Variants in ADAMTSL1 observed in about 807,000 individuals in gnomAD.
The protein encoded by ADAMTSL1 is ADAMTS-like protein 1.
Under a neutral mutation model 201.8 loss-of-function variants are expected in ADAMTSL1, and 126 were observed. The ratio of observed to expected loss-of-function variants is 0.62; its 90% CI spans 0.54 to 0.72. The LOEUF (loss-of-function observed/expected upper bound fraction) is 0.72. Ranked by LOEUF, ADAMTSL1 falls within the 30% of genes least tolerant of loss-of-function variation. ADAMTSL1 has a pLI of 0.00. For synonymous variants in ADAMTSL1, 1,121 were observed against 903.4 expected (o/e 1.24, Z -4.32); for missense variants, 2,679 against 2,277.8 (o/e 1.18, Z -3.59).
chr9:18,231,587 A>T (rs1007700314), intron 2 of ADAMTSL1, among the ~76,000 whole-genome samples: 2 of 152,196 alleles, frequency 1.3e-5, no homozygotes, highest in Non-Finnish European at 2.9e-5. Flanking sequence ...TTAGGTTCAC[A>T]TGCAGTCTCA....
At chr9:18,165,971 T>A (rs149555672) in intron 2 of ADAMTSL1, among the ~76,000 whole-genome samples, 209 of 151,984 alleles carry the variant, frequency 1.4e-3, no homozygotes, top group African/African-American at 4.9e-3. Flanking sequence ...TGAGTTTCTG[T>A]CTTATTGGGA....
rs1473904785 is a variant in ADAMTSL1 at position 18,905,860 on chromosome 9, T to C, written c.4930T>C (p.Leu1644=). Residue 1644 remains leucine, a synonymous_variant, in exon 27 of 29, where the codon TTA becomes CTA. Coordinates refer to ENST00000380548, the MANE Select transcript of ADAMTSL1 (RefSeq NM_001040272.6). ...CTGCCAGACACGGGATGGCATCACC[T>C]TACCATCAGAGCAGTGCAGTGCTCT... ...VFCQTRDGIT[L]PSEQCSALPR... is the part of the protein sequence containing the mutation. The C allele has an allele frequency of 1.2e-6, 2 of 1,613,110 alleles. No individual in the cohort carries two copies. The highest frequency in any genetic ancestry group is 1.7e-6 in the Non-Finnish European group (2 of 1,179,626).
At chr9:18,352,308 G>T (rs1292211159) in intron 2 of ADAMTSL1, among the ~76,000 whole-genome samples, 2 of 152,136 alleles carry the variant, frequency 1.3e-5, no homozygotes, top group South Asian at 2.1e-4. Flanking sequence ...TGGGGGAAAT[G>T]GCTCGAAAGG....
intron 2 of ADAMTSL1, among the ~76,000 whole-genome samples, chr9:18,322,833 A>G (rs1393945591): frequency 2.0e-5 from 3 of 152,232 alleles, no homozygotes; most frequent in Admixed American, 1.3e-4. Context: ...GATAAAATGC[A>G]TACATCAATG....
intron 1 of ADAMTSL1, among the ~76,000 whole-genome samples, chr9:18,119,283 TA>T (rs916914976): frequency 1.3e-4 from 20 of 151,402 alleles, no homozygotes; most frequent in Non-Finnish European, 2.2e-4. Context: ...CCTTCCTGAA[TA>T]TTTTTTTTTT....
intron 2 of ADAMTSL1, 55 bp downstream of exon 2, chr9:18,505,011 G>C: frequency 6.4e-7 from 1 of 1,562,772 alleles, no homozygotes; most frequent in Non-Finnish European, 8.6e-7. Flanking sequence ...GCCGGTTTGA[G>C]GCATGCTTTT....
At chr9:17,938,395 C>T (rs948657836) in intron 1 of ADAMTSL1, among the ~76,000 whole-genome samples, 12 of 152,098 alleles carry the variant, frequency 7.9e-5, no homozygotes, top group African/African-American at 2.9e-4. Context: ...AAAGTGGAAA[C>T]AATTTCAAAG....
intron 1 of ADAMTSL1, among the ~76,000 whole-genome samples, chr9:17,997,761 C>T (rs956201115): frequency 4.6e-5 from 7 of 151,976 alleles, no homozygotes; most frequent in African/African-American, 1.7e-4. Context: ...AATATGGTAG[C>T]ATTTCAAAAA....
chr9:17,914,761 A>G (rs1826026478), intron 1 of ADAMTSL1, among the ~76,000 whole-genome samples: 1 of 152,030 alleles, frequency 6.6e-6, no homozygotes, highest in Non-Finnish European at 1.5e-5. Flanking sequence ...ATGATTGTAT[A>G]TCTAGAAAAC....
rs372980588 is a variant in ADAMTSL1 at position 18,310,642 on chromosome 9, A to C, written c.207+146661A>C. Among the ~76,000 whole-genome samples the C allele has an allele frequency of 1.2e-4, 19 of 152,340 alleles. No homozygotes were observed. The East Asian group carries it at 3.7e-3, about 29-fold the overall frequency. ...CTGGTCATTAGAGAAATGCAAGTCA[A>C]AACCACAATGAGATACCATCTCACG... On this transcript the variant is annotated intron_variant, in intron 2 of 29. Coordinates refer to the ADAMTSL1 transcript ENST00000680146.
At chr9:17,935,141 C>G (rs1487713576) in intron 1 of ADAMTSL1, among the ~76,000 whole-genome samples, 2 of 151,856 alleles carry the variant, frequency 1.3e-5, no homozygotes. Flanking sequence ...TTAATATTAC[C>G]AAATCCAGTG....
chr9:18,212,578 C>T (rs1587323200), intron 2 of ADAMTSL1, among the ~76,000 whole-genome samples: 3 of 152,246 alleles, frequency 2.0e-5, no homozygotes, highest in Admixed American at 2.0e-4. Context: ...TTGTTGTAAT[C>T]ACCAGTAAAA....
chr9:18,443,499 T>C (rs1056673492), intron 2 of ADAMTSL1, among the ~76,000 whole-genome samples: 2 of 152,208 alleles, frequency 1.3e-5, no homozygotes, highest in African/African-American at 4.8e-5. Flanking sequence ...GGTTTTATCT[T>C]TTGCTCTTTA....
intron 2 of ADAMTSL1, among the ~76,000 whole-genome samples, chr9:18,516,125 A>T (rs1194034955): frequency 6.6e-6 from 1 of 151,514 alleles, no homozygotes; most frequent in African/African-American, 2.4e-5. Flanking sequence ...AGATTTCCTA[A>T]TGCTACTTGC....
intron 2 of ADAMTSL1, among the ~76,000 whole-genome samples, chr9:18,424,219 C>G (rs570920976): frequency 6.6e-6 from 1 of 152,328 alleles, no homozygotes; most frequent in East Asian, 1.9e-4. Context: ...CCAAGACTCT[C>G]TGATGACCCT....
intron 1 of ADAMTSL1, among the ~76,000 whole-genome samples, chr9:17,931,386 C>T (rs1826780405): frequency 6.6e-6 from 1 of 152,200 alleles, no homozygotes; most frequent in Middle Eastern, 3.4e-3. Context: ...TATTGAGGAG[C>T]TTTCGAGATT....
intron 2 of ADAMTSL1, among the ~76,000 whole-genome samples, chr9:18,193,144 C>T (rs1188501184): frequency 6.6e-6 from 1 of 152,084 alleles, no homozygotes; most frequent in African/African-American, 2.4e-5. Flanking sequence ...GTTTCCCATT[C>T]CTCTCAGAAC....
chr9:18,774,100 A>G (rs529132035), intron 17 of ADAMTSL1, among the ~76,000 whole-genome samples: 29 of 152,328 alleles, frequency 1.9e-4, no homozygotes, highest in Non-Finnish European at 3.2e-4. Context: ...TTTTCAAGTT[A>G]ACGTGGCACA....
At position 18,896,792 on chromosome 9, in the gene ADAMTSL1, A is replaced by G. The variant is rs373203776; in HGVS notation, c.4851+4196A>G. On this transcript the variant is annotated intron_variant, in intron 26 of 28. Coordinates refer to ENST00000380548, the MANE Select transcript of ADAMTSL1 (RefSeq NM_001040272.6). ...TTGGGTTTGACACACAGAGCTGTGCAGTCTCAGCAGAGCAGTTGCTCAGGC... is the reference window on the plus strand; with the variant it reads ...TTGGGTTTGACACACAGAGCTGTGCGGTCTCAGCAGAGCAGTTGCTCAGGC... Among the ~76,000 whole-genome samples the G allele has an allele frequency of 4.6e-5, 7 of 152,308 alleles. 1 individual carries two copies. The highest frequency in any genetic ancestry group is 2.6e-4 in the Admixed American group (4 of 15,310).
Sources: allele counts gnomAD v4.1 joint callset (sites outside exome capture counted in the v4.1 genomes callset), GRCh38; gene constraint gnomAD v4.1.1; transcripts MANE v1.5; gene names NCBI Gene and HGNC (gene_info 2026-07-23, HGNC 2026-07-21).